Variants in DNAAF11 observed in about 807,000 individuals in gnomAD.
DNAAF11 encodes the protein dynein axonemal assembly factor 11.
DNAAF11 carries 45 observed loss-of-function variants against 60.8 expected under a neutral mutation model. The observed-to-expected ratio is 0.74, with a 90% CI of 0.58 to 0.95. The LOEUF is 0.95. Ranked by LOEUF, DNAAF11 falls within the 40% of genes least tolerant of loss-of-function variation. DNAAF11 has a pLI of 0.00. For missense variants in DNAAF11, 546 were observed against 546.2 expected, an observed-to-expected ratio of 1.00 and a Z score of 0.00; for synonymous variants, 191 against 183.5, an observed-to-expected ratio of 1.04 and a Z score of -0.33.
intron 11 of DNAAF11, among the ~76,000 whole-genome samples, chr8:132,582,775 A>T (rs1815473699): frequency 6.6e-6 from 1 of 152,188 alleles, no homozygotes; most frequent in Admixed American, 6.5e-5. Context: ...TATTTTTATG[A>T]TGGTAATTCT....
chr8:132,675,319 T>G, intron 1 of DNAAF11, 165 bp downstream of exon 1: 1 of 661,526 alleles, frequency 1.5e-6, no homozygotes, highest in East Asian at 3.0e-5. Context: ...GCAGAGGACC[T>G]GGTGCAGCCG....
In DNAAF11 at chr8:132,661,443, T is replaced by G; in HGVS notation, c.178+17A>C. 6.3e-7 allele frequency: 1 copy of G among 1,596,164 alleles called. No homozygotes were observed. The highest frequency in any genetic ancestry group is 8.6e-7 in the Non-Finnish European group (1 of 1,167,736). On this transcript the variant is annotated intron_variant, in intron 2 of 11. Coordinates refer to ENST00000620350, the MANE Select transcript of DNAAF11 (RefSeq NM_012472.6). ...ACAATGTTCAAGAAACCATGAGAAC[T>G]AAGTACTGAAACTTACCAATTTTCC...
chr8:132,684,304 T>C, the DNAAF11 span, among the ~76,000 whole-genome samples: 3 of 152,316 alleles, frequency 2.0e-5, no homozygotes, highest in African/African-American at 7.2e-5. Flanking sequence ...AATGAAGAGA[T>C]ATATGGGATA....
intron 11 of DNAAF11, among the ~76,000 whole-genome samples, chr8:132,580,821 T>C (rs1815251789): frequency 6.6e-6 from 1 of 152,196 alleles, no homozygotes; most frequent in Non-Finnish European, 1.5e-5. Context: ...TGTGTGTTTG[T>C]ATGTGAGTAA....
At position 132,571,284 on chromosome 8, in the gene DNAAF11, G is replaced by T. The variant is rs189621964; in HGVS notation, c.*1022C>A. 1.3e-5 allele frequency among the ~76,000 whole-genome samples: 2 copies of T among 152,298 alleles called. No individual in the cohort carries two copies. Among genetic ancestry groups the T allele is most frequent in the East Asian group, 3.9e-4 (2 of 5,186 alleles). ...CTACTAAATCCCTGATGAACAGAGA[G>T]GGGGCTAGCACTCAATAGTTGCTCA... On this transcript the variant is annotated 3_prime_UTR_variant, in exon 12 of 12. Coordinates refer to ENST00000620350, the MANE Select transcript of DNAAF11 (RefSeq NM_012472.6).
intron 11 of DNAAF11, among the ~76,000 whole-genome samples, chr8:132,581,154 C>T (rs570090830): frequency 1.6e-4 from 24 of 152,208 alleles, no homozygotes; most frequent in South Asian, 8.3e-4. Flanking sequence ...ATGGATTAGA[C>T]GTTTCCTCAA....
chr8:132,610,980 C>T (rs1043853413), intron 9 of DNAAF11, among the ~76,000 whole-genome samples: 7 of 152,094 alleles, frequency 4.6e-5, no homozygotes, highest in Non-Finnish European at 8.8e-5. Flanking sequence ...CTGCAACCTC[C>T]GCCTCCCAGG....
At chr8:132,653,988 A>C (rs1389829047) in intron 3 of DNAAF11, among the ~76,000 whole-genome samples, 2 of 152,106 alleles carry the variant, frequency 1.3e-5, no homozygotes, top group Non-Finnish European at 2.9e-5. Flanking sequence ...TTAAAAATCA[A>C]AACACGATTC....
chr8:132,674,599 A>C (rs575227394), intron 1 of DNAAF11, among the ~76,000 whole-genome samples: 31 of 152,350 alleles, frequency 2.0e-4, no homozygotes, highest in Admixed American at 9.1e-4. Flanking sequence ...TTAAAGAAAC[A>C]CGTTTACTAC....
the DNAAF11 span, among the ~76,000 whole-genome samples, chr8:132,691,968 T>C: frequency 6.6e-6 from 1 of 152,112 alleles, no homozygotes. Context: ...TGTTTGGAGA[T>C]CATTTTTTGG....
In DNAAF11 at chr8:132,572,377, C is replaced by T; in HGVS notation, c.1330G>A (p.Glu444Lys). ...EKKHTPRRRP[E>K]PKIIPSEEDP... ...TCCTCACTTGGTATAATTTTGGGTTCAGGTCGTCTTCTGGGTGTGTGTTTT... is the reference window on the plus strand; with the variant it reads ...TCCTCACTTGGTATAATTTTGGGTTTAGGTCGTCTTCTGGGTGTGTGTTTT... The change falls in exon 12 of 12, where the codon GAA becomes AAA. Residue 444 changes from glutamate to lysine, a missense_variant. Glu to Lys is a moderately conservative substitution (Grantham distance 56). Transcript: ENST00000620350. The T allele has an allele frequency of 6.2e-7, 1 of 1,614,038 alleles. No individual in the cohort carries two copies. The highest frequency in any genetic ancestry group is 1.6e-4 in the Middle Eastern group (1 of 6,062).
the DNAAF11 span, among the ~76,000 whole-genome samples, chr8:132,701,039 G>A: frequency 6.6e-6 from 1 of 152,194 alleles, no homozygotes; most frequent in African/African-American, 2.4e-5. Context: ...GGGGAAGATG[G>A]AAGGGCAAGA....
chr8:132,622,564 T>C (rs141018382), intron 7 of DNAAF11, 47 bp downstream of exon 7: 203 of 1,388,078 alleles, frequency 1.5e-4, no homozygotes, highest in African/African-American at 1.1e-3. Context: ...ACCAACACCA[T>C]TGACTGACAC....
the DNAAF11 span, among the ~76,000 whole-genome samples, chr8:132,689,526 T>C: frequency 6.6e-6 from 1 of 152,038 alleles, no homozygotes; most frequent in East Asian, 1.9e-4. Context: ...TGAACTGTAT[T>C]GTTTCTTGTG....
upstream of DNAAF11, among the ~76,000 whole-genome samples, chr8:132,678,215 A>T (rs1825816606): frequency 6.6e-6 from 1 of 152,176 alleles, no homozygotes; most frequent in Non-Finnish European, 1.5e-5. Flanking sequence ...CATCCCCTTA[A>T]GCTAAGTAAT....
At chr8:132,572,542 T>C in intron 11 of DNAAF11, 62 bp from the exon 12 acceptor site, 6 of 1,250,902 alleles carry the variant, frequency 4.8e-6, no homozygotes, top group Non-Finnish European at 6.7e-6. Flanking sequence ...TTCAAACAGA[T>C]TCAACTCACC....
chr8:132,659,734 T>C (rs2130801443), intron 2 of DNAAF11, among the ~76,000 whole-genome samples: 1 of 152,284 alleles, frequency 6.6e-6, no homozygotes, highest in Middle Eastern at 3.4e-3. Flanking sequence ...CTGAGGCTAA[T>C]TTTCAATTAT....
At chr8:132,664,403 G>A (rs1824425498) in intron 1 of DNAAF11, among the ~76,000 whole-genome samples, 1 of 152,186 alleles carries the variant, frequency 6.6e-6, no homozygotes, top group Admixed American at 6.5e-5. Context: ...GATTTCCAGG[G>A]TTGACAAAGT....
intron 10 of DNAAF11, among the ~76,000 whole-genome samples, chr8:132,594,919 G>A (rs1816831134): frequency 6.6e-6 from 1 of 152,100 alleles, no homozygotes; most frequent in Admixed American, 6.6e-5. Context: ...CCCCCATGAT[G>A]TTCTTGTGAT....
Sources: allele counts gnomAD v4.1 joint callset (sites outside exome capture counted in the v4.1 genomes callset), GRCh38; gene constraint gnomAD v4.1.1; transcripts MANE v1.5; gene names NCBI Gene and HGNC (gene_info 2026-07-23, HGNC 2026-07-21).